The following CREB5 variants were observed in gnomAD, a reference collection of about 807,000 sequenced individuals.
CREB5 encodes the protein cAMP responsive element binding protein 5, also known as cyclic AMP-responsive element-binding protein 5.
CREB5 carries 19 observed loss-of-function variants against 57.1 expected under a neutral mutation model. The ratio of observed to expected loss-of-function variants is 0.33; its 90% CI spans 0.23 to 0.49. The LOEUF (loss-of-function observed/expected upper bound fraction) is 0.49, where lower values mean the gene tolerates loss of function less well. CREB5 is among the 20% of genes least tolerant of loss of function. The pLI is 0.99. For synonymous variants in CREB5, 238 were observed against 238.3 expected, an observed-to-expected ratio of 1.00 and a Z score of 0.01; for missense variants, 579 against 671.6, an observed-to-expected ratio of 0.86 and a Z score of 1.52.
At chr7:28,492,999 T>G (rs1010353923) in intron 2 of CREB5, among the ~76,000 whole-genome samples, 1 of 152,148 alleles carries the variant, frequency 6.6e-6, no homozygotes, top group East Asian at 1.9e-4. Flanking sequence ...ATAATTACCA[T>G]GTTTTGCAAA....
chr7:28,790,466 G>GAGAGAT (rs1807623891), intron 7 of CREB5, among the ~76,000 whole-genome samples: 1 of 136,718 alleles, frequency 7.3e-6, no homozygotes, highest in African/African-American at 2.8e-5. Flanking sequence ...GAGAGATAGA[G>GAGAGAT]AGAGAGAGAA....
chr7:28,316,772 GGTTACATTTCA>G (rs1178303491), intron 1 of CREB5, among the ~76,000 whole-genome samples: 3 of 151,974 alleles, frequency 2.0e-5, no homozygotes, highest in Non-Finnish European at 4.4e-5. Context: ...CTCTAACTGT[GGTTACATTTCA>G]GAATACTTTC....
intron 7 of CREB5, among the ~76,000 whole-genome samples, chr7:28,790,476 AAG>A (rs1807628500): frequency 2.2e-5 from 3 of 133,398 alleles, no homozygotes; most frequent in Non-Finnish European, 3.3e-5. Flanking sequence ...GAGAGAGAGA[AAG>A]AAAGAAAGAA....
intron 1 of CREB5, among the ~76,000 whole-genome samples, chr7:28,399,440 A>T (rs567224500): frequency 9.3e-5 from 14 of 149,998 alleles, no homozygotes; most frequent in Admixed American, 9.3e-4. Flanking sequence ...AAAAAAAGAC[A>T]CATAGAGCAA....
At chr7:28,641,575 C>T (rs556662306) in intron 5 of CREB5, among the ~76,000 whole-genome samples, 1 of 152,266 alleles carries the variant, frequency 6.6e-6, no homozygotes, top group South Asian at 2.1e-4. Context: ...ATGTGGAGGC[C>T]TGCAGGCGGT....
chr7:28,571,545 G>T (rs1176546051), intron 5 of CREB5, among the ~76,000 whole-genome samples: 1 of 152,204 alleles, frequency 6.6e-6, no homozygotes, highest in African/African-American at 2.4e-5. Flanking sequence ...TTGGTAGAAA[G>T]ATCCTGTCAT....
intron 5 of CREB5, among the ~76,000 whole-genome samples, chr7:28,635,866 C>G (rs1341513061): frequency 6.6e-6 from 1 of 152,218 alleles, no homozygotes; most frequent in Non-Finnish European, 1.5e-5. Context: ...GCCTACCTGA[C>G]AATTCAGAAT....
intron 1 of CREB5, among the ~76,000 whole-genome samples, chr7:28,377,931 C>CA (rs57930477): frequency 0.63 from 69,723 of 111,542 alleles, 21,715 homozygotes; most frequent in East Asian, 0.87. Context: ...GACTCTATCT[C>CA]AAAAAAAAAA....
intron 1 of CREB5, among the ~76,000 whole-genome samples, chr7:28,463,164 G>A (rs1430125791): frequency 2.0e-5 from 3 of 151,794 alleles, no homozygotes; most frequent in African/African-American, 4.8e-5. Flanking sequence ...CAGTTGTCTC[G>A]GCATCATTTA....
At chr7:28,573,280 T>G (rs984262483) in intron 5 of CREB5, among the ~76,000 whole-genome samples, 4 of 152,242 alleles carry the variant, frequency 2.6e-5, no homozygotes, top group Non-Finnish European at 4.4e-5. Context: ...CTTTATTTTT[T>G]TTGAGGCTGC....
At chr7:28,696,772 A>ATATATATACACATAAGTATACGTATACG (rs1801587499) in intron 5 of CREB5, among the ~76,000 whole-genome samples, 1 of 149,810 alleles carries the variant, frequency 6.7e-6, no homozygotes. Flanking sequence ...ACACATATAC[A>ATATATATACACATAAGTATACGTATACG]TATATATACA....
Position 28,518,416 on chromosome 7 carries a change from G to A in CREB5, c.291+10679G>A, listed in dbSNP as rs1375012747. Among the ~76,000 whole-genome samples the A allele has an allele frequency of 3.3e-5, 5 of 152,140 alleles. No homozygotes were observed. The East Asian group carries it at 9.6e-4, about 29-fold the overall frequency. On this transcript the variant is annotated intron_variant, in intron 4 of 10. Transcript: ENST00000357727. The stretch of plus-strand genomic sequence containing the variant: ...AATCACAGCCTCTCTCAAAGAAGTC[G>A]TCCCCTTCCTGCCTTCTCCCAGCAT...
At chr7:28,444,139 A>T (rs1007225685) in intron 1 of CREB5, among the ~76,000 whole-genome samples, 3 of 152,214 alleles carry the variant, frequency 2.0e-5, no homozygotes, top group African/African-American at 4.8e-5. Flanking sequence ...TTATGCTTGT[A>T]TAAAAGTGCA....
intron 5 of CREB5, among the ~76,000 whole-genome samples, chr7:28,621,772 G>A (rs542091063): frequency 1.3e-5 from 2 of 152,288 alleles, no homozygotes; most frequent in Admixed American, 6.5e-5. Context: ...TGAAAGACAG[G>A]ATGATGTCGT....
At chr7:28,342,531 T>A (rs1014227567) in intron 1 of CREB5, among the ~76,000 whole-genome samples, 11 of 152,266 alleles carry the variant, frequency 7.2e-5, no homozygotes, top group African/African-American at 2.7e-4. Flanking sequence ...ATGTTCATTA[T>A]AATACAGCAT....
intron 1 of CREB5, among the ~76,000 whole-genome samples, chr7:28,402,618 C>T (rs1287708904): frequency 4.6e-5 from 7 of 152,128 alleles, no homozygotes; most frequent in Non-Finnish European, 4.4e-5. Context: ...ACTGGCTGGC[C>T]ATATGTAGAA....
intron 1 of CREB5, among the ~76,000 whole-genome samples, chr7:28,471,738 T>C (rs1045546685): frequency 6.6e-6 from 1 of 152,230 alleles, no homozygotes; most frequent in African/African-American, 2.4e-5. Context: ...CTGGTATCCT[T>C]GCTATCATCA....
chr7:28,602,263 A>T (rs1451366962), intron 5 of CREB5, among the ~76,000 whole-genome samples: 1 of 152,104 alleles, frequency 6.6e-6, no homozygotes, highest in Admixed American at 6.6e-5. Flanking sequence ...AGTAGCTGGG[A>T]TTACAGGTGT....
chr7:28,326,158 T>TATCTATCTATCC (rs1447112730), intron 1 of CREB5, among the ~76,000 whole-genome samples: 26 of 5,770 alleles, frequency 4.5e-3, no homozygotes, highest in African/African-American at 0.015. Flanking sequence ...ACACATTATC[T>TATCTATCTATCC]ATCTATCTAT....
Sources: gnomAD v4.1 joint callset for allele counts (sites outside exome capture counted in the v4.1 genomes callset) on GRCh38, gnomAD v4.1.1 for gene constraint, MANE v1.5 for transcripts, NCBI Gene and HGNC (gene_info 2026-07-23, HGNC 2026-07-21) for gene names.